TTLL6: variants seen among roughly 807,000 people sequenced by gnomAD.
The protein encoded by TTLL6 is tubulin tyrosine ligase like 6.
Under a neutral mutation model 96.4 loss-of-function variants are expected in TTLL6, and 75 were observed. The ratio of observed to expected loss-of-function variants is 0.78; its 90% CI spans 0.65 to 0.94. The LOEUF is 0.94. Ranked by LOEUF, TTLL6 falls within the 40% of genes least tolerant of loss-of-function variation. The pLI is 0.00. For missense variants in TTLL6, 1,030 were observed against 1,093.0 expected (o/e 0.94, Z 0.81); for synonymous variants, 411 against 419.4 (o/e 0.98, Z 0.24).
In TTLL6 at chr17:48,791,522, G is replaced by T. The variant is rs750673173; in HGVS notation, c.1080C>A (p.Ile360=). Residue 360 remains isoleucine, a synonymous_variant, in exon 9 of 16, where the codon ATC becomes ATA. Transcript: ENST00000393382. ...EQIWRDIEDV[I]IKTLISAHPI... ...GGTGGGCCGAGATGAGGGTCTTGAT[G>T]ATGACGTCCTCAATATCCCTCCATA... is the stretch of plus-strand genomic sequence containing the variant. The T allele has an allele frequency of 3.7e-6, 6 of 1,614,088 alleles. No homozygotes were observed. Among genetic ancestry groups the T allele is most frequent in the Non-Finnish European group, 1.7e-6 (2 of 1,180,052 alleles).
intron 13 of TTLL6, among the ~76,000 whole-genome samples, chr17:48,782,201 G>A (rs2038999654): frequency 6.6e-6 from 1 of 150,862 alleles, no homozygotes; most frequent in Non-Finnish European, 1.5e-5. Flanking sequence ...TGCCTCCCAG[G>A]TTCAAGCGAT....
In TTLL6 at chr17:48,762,926, G is replaced by A; in HGVS notation, c.*48C>T. The A allele has an allele frequency of 2.2e-6, 1 of 456,284 alleles. No homozygotes were observed. Among genetic ancestry groups the A allele is most frequent in the East Asian group, 6.9e-5 (1 of 14,390 alleles). 28.3% of individuals were successfully genotyped at this position (456,284 alleles called of 1,614,324 possible). A position where few individuals can be genotyped will look rare whatever the true frequency, so the allele number is the denominator to read the frequency against. On this transcript the variant is annotated 3_prime_UTR_variant, in exon 16 of 16. Transcript: ENST00000393382. ...TGTCGGAAGAGACACATTGTTTCCT[G>A]CAAGTTAAGAGGTAGGAAGGGAAAA...
chr17:48,801,286 A>G lies in TTLL6; in HGVS notation c.580T>C (p.Phe194Leu), dbSNP rs772096094. ...GGAAGACACCAGGTCCTAGGGAAAA[A>G]GCGGAAATCTTTAGGGAACATCTTT... ...MLKMFPKDFR[F>L]FPRTWCLPAD... Residue 194 changes from phenylalanine to leucine, a missense_variant, in exon 5 of 16, where the codon TTT becomes CTT. Coordinates refer to ENST00000393382, the MANE Select transcript of TTLL6 (RefSeq NM_001130918.3). The G allele has an allele frequency of 1.3e-6, 2 of 1,551,654 alleles. No individual in the cohort carries two copies. Among genetic ancestry groups the G allele is most frequent in the South Asian group, 2.4e-5 (2 of 84,054 alleles).
chr17:48,772,603 C>T (rs1037619205), intron 13 of TTLL6, among the ~76,000 whole-genome samples: 2 of 151,764 alleles, frequency 1.3e-5, no homozygotes, highest in East Asian at 1.9e-4. Context: ...TGGTGGCACG[C>T]GCCTGTAGTC....
At chr17:48,770,142 G>C (rs1291533513) in intron 13 of TTLL6, 45 bp from the exon 14 acceptor site, 8 of 1,539,746 alleles carry the variant, frequency 5.2e-6, no homozygotes, top group African/African-American at 1.4e-5. Flanking sequence ...AAAGCAAAGG[G>C]TTCCTTCCTA....
intron 10 of TTLL6, among the ~76,000 whole-genome samples, chr17:48,788,676 G>A (rs2039157269): frequency 6.6e-6 from 1 of 152,080 alleles, no homozygotes; most frequent in Admixed American, 6.6e-5. Context: ...CTGGGCTCTG[G>A]GTCCAGAGCT....
intron 1 of TTLL6, among the ~76,000 whole-genome samples, chr17:48,808,758 A>C (rs2039540917): frequency 6.6e-6 from 1 of 152,056 alleles, no homozygotes; most frequent in Non-Finnish European, 1.5e-5. Flanking sequence ...TTTAGTAGAG[A>C]CAGGGTTTCA....
intron 13 of TTLL6, among the ~76,000 whole-genome samples, chr17:48,772,566 C>T (rs931684510): frequency 2.6e-5 from 4 of 151,736 alleles, no homozygotes; most frequent in South Asian, 4.2e-4. Flanking sequence ...CCCGTCTCTA[C>T]CAAAAATACA....
intron 1 of TTLL6, among the ~76,000 whole-genome samples, chr17:48,812,666 C>G (rs2039612935): frequency 6.6e-6 from 1 of 152,204 alleles, no homozygotes. Flanking sequence ...TGTGAACTTC[C>G]TGATGGAAGA....
intron 13 of TTLL6, among the ~76,000 whole-genome samples, chr17:48,782,383 G>A (rs1049290357): frequency 2.6e-5 from 4 of 152,198 alleles, no homozygotes; most frequent in African/African-American, 9.7e-5. Context: ...TTGAACTCCT[G>A]ACCTCAGGTG....
intron 13 of TTLL6, among the ~76,000 whole-genome samples, chr17:48,779,131 C>T (rs1236947080): frequency 1.3e-5 from 2 of 151,722 alleles, no homozygotes; most frequent in African/African-American, 4.8e-5. Context: ...GGGATGAAAA[C>T]TTGAATATAC....
intron 13 of TTLL6, among the ~76,000 whole-genome samples, chr17:48,771,342 C>G (rs1242365604): frequency 1.3e-5 from 2 of 152,094 alleles, no homozygotes; most frequent in Non-Finnish European, 2.9e-5. Flanking sequence ...AAAAATAACT[C>G]TTTAGGCTGG....
At chr17:48,795,063 C>T (rs1392296427) in intron 8 of TTLL6, among the ~76,000 whole-genome samples, 3 of 152,152 alleles carry the variant, frequency 2.0e-5, no homozygotes, top group Non-Finnish European at 2.9e-5. Context: ...CGCGGTGGCT[C>T]ACGCCTGTAA....
chr17:48,771,193 C>T (rs1197380127), intron 13 of TTLL6, among the ~76,000 whole-genome samples: 1 of 152,080 alleles, frequency 6.6e-6, no homozygotes, highest in Non-Finnish European at 1.5e-5. Flanking sequence ...ACTACACATG[C>T]TGGGGGGTGT....
rs1293605255 is a variant in TTLL6, at chr17:48,801,663, C to T, written c.362-20G>A. ...TGCGCACTATTGAAGAAAGAAAGGCCTATTAGCCCAGGAAGTGGGGGAGGA... is the reference window on the plus strand; with the variant it reads ...TGCGCACTATTGAAGAAAGAAAGGCTTATTAGCCCAGGAAGTGGGGGAGGA... On this transcript the variant is annotated intron_variant, in intron 3 of 15. Transcript: ENST00000393382. The T allele has an allele frequency of 1.9e-6, 3 of 1,541,264 alleles. No individual in the cohort carries two copies. The highest frequency in any genetic ancestry group is 2.6e-6 in the Non-Finnish European group (3 of 1,138,002).
At chr17:48,773,869 G>T (rs67355007) in intron 13 of TTLL6, among the ~76,000 whole-genome samples, 47,742 of 150,996 alleles carry the variant, frequency 0.32, 7,857 homozygotes, top group Admixed American at 0.41. Flanking sequence ...GGTCACCTGG[G>T]GTCGGGAGTT....
chr17:48,768,274 T>A lies in TTLL6; in HGVS notation c.*715A>T, dbSNP rs1356294385. On this transcript the variant is annotated intron_variant, in intron 15 of 15. Transcript: ENST00000393382. ...CACACCCAGCTAATTTTTTAATTAT[T>A]ATTATTATTTTTTTGAGACGGAGTC... Among the ~76,000 whole-genome samples the A allele has an allele frequency of 6.2e-4, 94 of 151,738 alleles. 1 individual carries two copies. The highest frequency in any genetic ancestry group is 2.2e-4 in the Non-Finnish European group (15 of 67,922).
At chr17:48,774,236 T>G (rs1274593863) in intron 13 of TTLL6, among the ~76,000 whole-genome samples, 27 of 72,070 alleles carry the variant, frequency 3.7e-4, no homozygotes, top group Non-Finnish European at 6.9e-4. Flanking sequence ...GTTTGTTGTT[T>G]TTTTTTTTTT....
chr17:48,803,468 A>G (rs909398297), intron 3 of TTLL6, among the ~76,000 whole-genome samples: 4 of 150,350 alleles, frequency 2.7e-5, no homozygotes, highest in Non-Finnish European at 5.9e-5. Context: ...TGCACTCCAG[A>G]GCAAGATTCC....
Sources: gnomAD v4.1 joint callset for allele counts (sites outside exome capture counted in the v4.1 genomes callset) on GRCh38, gnomAD v4.1.1 for gene constraint, MANE v1.5 for transcripts, NCBI Gene and HGNC (gene_info 2026-07-23, HGNC 2026-07-21) for gene names.